CCDC148: variants seen among roughly 807,000 people sequenced by gnomAD.
CCDC148 encodes coiled-coil domain-containing protein 148.
CCDC148 carries 89 observed loss-of-function variants against 85.7 expected under a neutral mutation model. That is an observed-to-expected ratio of 1.04 (90% confidence interval 0.87 to 1.24). The LOEUF (loss-of-function observed/expected upper bound fraction) is 1.24. Ranked by LOEUF, CCDC148 falls within the 50% of genes most tolerant of loss-of-function variation. The probability of loss-of-function intolerance (pLI) is 0.00; values close to 1 mark genes in which losing one functional copy is unlikely to be tolerated. For synonymous variants in CCDC148, 230 were observed against 213.9 expected (o/e 1.08, Z -0.66); for missense variants, 692 against 671.7 (o/e 1.03, Z -0.33).
At position 158,176,580 on chromosome 2, in the gene CCDC148, C is replaced by A. The variant is rs1209798500; in HGVS notation, c.1570G>T (p.Glu524Ter). 3 of 1,611,866 alleles carry A rather than the reference C, an allele frequency of 1.9e-6. No individual in the cohort carries two copies. The highest frequency in any genetic ancestry group is 1.3e-5 in the African/African-American group (1 of 74,922). Residue 524 changes from glutamate (E) to a stop codon, truncating the protein, a stop_gained, in exon 13 of 14, where the codon GAA (glutamate) becomes TAA (stop). Coordinates refer to ENST00000283233, the MANE Select transcript of CCDC148 (RefSeq NM_138803.4). LOFTEE classifies it high-confidence loss of function. Reference protein sequence around the residue: ...ASKARMGIEIEEEFILQKPLF... With the variant: ...ASKARMGIEI The stretch of plus-strand genomic sequence containing the variant: ...GGCTTTTGAAGAATAAATTCTTCTT[C>A]AATTTCAATGCCCATTCTAGCTTTT...
At chr2:158,342,796 A>G (rs1008015790) in intron 3 of CCDC148, among the ~76,000 whole-genome samples, 1 of 152,288 alleles carries the variant, frequency 6.6e-6, no homozygotes, top group South Asian at 2.1e-4. Context: ...ACAAAAACTT[A>G]AGGGATTCTT....
At chr2:158,321,010 A>G (rs947482869) in intron 7 of CCDC148, among the ~76,000 whole-genome samples, 2 of 152,210 alleles carry the variant, frequency 1.3e-5, no homozygotes, top group Non-Finnish European at 2.9e-5. Flanking sequence ...AACTAAGCAA[A>G]GGTAAACTCT....
intron 1 of CCDC148, among the ~76,000 whole-genome samples, chr2:158,400,479 T>C (rs1685731006): frequency 6.6e-6 from 1 of 152,180 alleles, no homozygotes; most frequent in Non-Finnish European, 1.5e-5. Context: ...ATTTAATCAA[T>C]GGTGCTGGGA....
At chr2:158,428,238 G>T (rs1343916949) in intron 1 of CCDC148, among the ~76,000 whole-genome samples, 1 of 152,124 alleles carries the variant, frequency 6.6e-6, no homozygotes, top group African/African-American at 2.4e-5. Flanking sequence ...GCAATGATGA[G>T]AAGTAAATGG....
intron 12 of CCDC148, 80 bp from the exon 13 acceptor site, chr2:158,176,741 C>T: frequency 6.7e-7 from 1 of 1,494,822 alleles, no homozygotes; most frequent in South Asian, 1.2e-5. Flanking sequence ...GTCTAATGCC[C>T]ATTAAAGTTA....
At chr2:158,239,498 C>A (rs1688258181) in intron 10 of CCDC148, among the ~76,000 whole-genome samples, 1 of 152,126 alleles carries the variant, frequency 6.6e-6, no homozygotes, top group South Asian at 2.1e-4. Context: ...CACAACTTTT[C>A]TGTTACCTAT....
At chr2:158,214,641 G>A (rs980520413) in intron 11 of CCDC148, among the ~76,000 whole-genome samples, 1 of 152,096 alleles carries the variant, frequency 6.6e-6, no homozygotes, top group African/African-American at 2.4e-5. Context: ...TGTAAATACT[G>A]CACACACATC....
intron 7 of CCDC148, among the ~76,000 whole-genome samples, chr2:158,323,403 A>G (rs1032881415): frequency 3.3e-5 from 5 of 152,254 alleles, no homozygotes; most frequent in African/African-American, 9.6e-5. Context: ...TAAATAAGAC[A>G]CACTTTAAAA....
intron 9 of CCDC148, among the ~76,000 whole-genome samples, chr2:158,264,763 T>C (rs960481333): frequency 1.5e-4 from 23 of 152,090 alleles, no homozygotes; most frequent in Admixed American, 1.4e-3. Flanking sequence ...TTTTTCCAAA[T>C]AGATACTAAA....
chr2:158,287,611 C>T (rs535129517), intron 9 of CCDC148, among the ~76,000 whole-genome samples: 13 of 152,340 alleles, frequency 8.5e-5, no homozygotes, highest in East Asian at 3.9e-4. Flanking sequence ...TCTCAAATCC[C>T]GGTCACACTG....
intron 9 of CCDC148, among the ~76,000 whole-genome samples, chr2:158,308,955 T>C (rs1442358324): frequency 6.6e-6 from 1 of 152,148 alleles, no homozygotes; most frequent in Non-Finnish European, 1.5e-5. Context: ...GAAAACCCCA[T>C]CCATTCCCCA....
intron 1 of CCDC148, among the ~76,000 whole-genome samples, chr2:158,370,147 G>A (rs998608131): frequency 2.0e-5 from 3 of 151,954 alleles, no homozygotes; most frequent in Non-Finnish European, 2.9e-5. Flanking sequence ...TTAGTGGAGG[G>A]AGAGTATCAG....
chr2:158,217,359 A>ATT (rs1558990144), intron 11 of CCDC148, among the ~76,000 whole-genome samples: 4 of 88,666 alleles, frequency 4.5e-5, no homozygotes, highest in Non-Finnish European at 9.2e-5. Flanking sequence ...TATATATAAA[A>ATT]TTTTGTGTGT....
intron 1 of CCDC148, among the ~76,000 whole-genome samples, chr2:158,392,292 G>A (rs1685346154): frequency 6.6e-6 from 1 of 152,060 alleles, no homozygotes; most frequent in Non-Finnish European, 1.5e-5. Context: ...CAACAGCTCT[G>A]GGCATTCATC....
chr2:158,242,660 A>C, intron 10 of CCDC148, among the ~76,000 whole-genome samples: 2 of 138,562 alleles, frequency 1.4e-5, no homozygotes, highest in Admixed American at 7.4e-5. Context: ...TCCTTCCACC[A>C]TGGCTCTTCT....
In CCDC148 at chr2:158,178,950, T is replaced by C. The variant is rs768994843; in HGVS notation, c.1417A>G (p.Lys473Glu). 3 of 1,613,622 alleles carry C rather than the reference T, an allele frequency of 1.9e-6. No individual in the cohort carries two copies. The East Asian group carries it at 6.7e-5, about 36-fold the overall frequency. ...ELLERRLMEK[K>E]EVALQEAHED... is the part of the protein sequence containing the mutation. ...TGAGCTTCTTGAAGGGCCACTTCCT[T>C]TTTCTCCATCAAACGCCTTTCCAAT... Residue 473 changes from lysine (K) to glutamate (E), a missense_variant, in exon 12 of 14, where the codon AAG (lysine) becomes GAG (glutamate). Transcript: ENST00000283233.
chr2:158,184,433 A>G (rs1265765974), intron 11 of CCDC148, among the ~76,000 whole-genome samples: 1 of 152,178 alleles, frequency 6.6e-6, no homozygotes, highest in Non-Finnish European at 1.5e-5. Flanking sequence ...GTGGGGGGAA[A>G]TAAAACAGAG....
chr2:158,278,358 G>A (rs36128274), intron 9 of CCDC148, among the ~76,000 whole-genome samples: 61,930 of 151,940 alleles, frequency 0.41, 13,268 homozygotes, highest in South Asian at 0.61. Flanking sequence ...GGATCAGAGA[G>A]TGCCCTTTCC....
chr2:158,225,543 A>C (rs1179830993), intron 10 of CCDC148, among the ~76,000 whole-genome samples: 1 of 152,226 alleles, frequency 6.6e-6, no homozygotes, highest in Admixed American at 6.5e-5. Context: ...AAAATTGACC[A>C]CATAGTTGGA....
Sources: gnomAD v4.1 joint callset for allele counts (sites outside exome capture counted in the v4.1 genomes callset) on GRCh38, gnomAD v4.1.1 for gene constraint, MANE v1.5 for transcripts, NCBI Gene and HGNC (gene_info 2026-07-23, HGNC 2026-07-21) for gene names.